EYA2: variants seen among roughly 807,000 people sequenced by gnomAD.
EYA2 encodes EYA transcriptional coactivator and phosphatase 2.
EYA2 carries 31 observed loss-of-function variants against 69.2 expected under a neutral mutation model. The observed-to-expected ratio is 0.45, with a 90% CI of 0.34 to 0.60. EYA2 has a LOEUF of 0.60. Ranked by LOEUF, EYA2 falls within the 20% of genes least tolerant of loss-of-function variation. The probability of loss-of-function intolerance (pLI) is 0.02; values close to 1 mark genes in which losing one functional copy is unlikely to be tolerated. For synonymous variants in EYA2, 257 were observed against 279.4 expected (o/e 0.92, Z 0.80); for missense variants, 622 against 701.2 (o/e 0.89, Z 1.28).
chr20:46,924,337 G>A (rs1353323385), intron 1 of EYA2, among the ~76,000 whole-genome samples: 13 of 152,186 alleles, frequency 8.5e-5, no homozygotes, highest in East Asian at 7.7e-4. Flanking sequence ...ACACTTTCCC[G>A]TCTGTGGTCC....
chr20:47,134,560 C>T (rs993475152), intron 9 of EYA2, among the ~76,000 whole-genome samples: 13 of 144,042 alleles, frequency 9.0e-5, no homozygotes, highest in African/African-American at 3.7e-4. Context: ...ACATTTTACA[C>T]TATAACCCAC....
intron 9 of EYA2, chr20:47,117,740 C>T (rs946321343): frequency 4.1e-5 from 39 of 959,820 alleles, no homozygotes; most frequent in East Asian, 3.5e-4. Context: ...TGCCCTCTCT[C>T]GAGGACTATT....
intron 1 of EYA2, among the ~76,000 whole-genome samples, chr20:46,946,944 C>T (rs1340583698): frequency 6.6e-6 from 1 of 152,244 alleles, no homozygotes; most frequent in Non-Finnish European, 1.5e-5. Flanking sequence ...CAGCTCAAAC[C>T]TGGCCAGTTG....
At chr20:46,985,449 T>C (rs1436206126) in intron 1 of EYA2, among the ~76,000 whole-genome samples, 1 of 152,170 alleles carries the variant, frequency 6.6e-6, no homozygotes, top group African/African-American at 2.4e-5. Context: ...AATCAACAAA[T>C]GCTGTTTTGG....
chr20:47,152,316 G>A (rs1025805138), intron 10 of EYA2, among the ~76,000 whole-genome samples: 1 of 151,504 alleles, frequency 6.6e-6, no homozygotes, highest in African/African-American at 2.4e-5. Flanking sequence ...CCTACCACCT[G>A]TATTGTGAAT....
chr20:46,963,443 A>T (rs1340568118), intron 1 of EYA2, among the ~76,000 whole-genome samples: 1 of 152,170 alleles, frequency 6.6e-6, no homozygotes, highest in Admixed American at 6.5e-5. Context: ...GACAGAACCG[A>T]CAAGGTCCCT....
intron 1 of EYA2, among the ~76,000 whole-genome samples, chr20:46,962,752 C>T (rs1979549863): frequency 6.6e-6 from 1 of 152,228 alleles, no homozygotes; most frequent in South Asian, 2.1e-4. Context: ...TCTGATTTTC[C>T]CTTTACATGC....
intron 5 of EYA2, among the ~76,000 whole-genome samples, chr20:47,068,488 A>G (rs112611708): frequency 3.3e-4 from 51 of 152,288 alleles, no homozygotes; most frequent in African/African-American, 1.2e-3. Flanking sequence ...TTGGTTCTCA[A>G]TTCTCAGTGT....
At chr20:47,127,263 A>G (rs1162624054) in intron 9 of EYA2, among the ~76,000 whole-genome samples, 1 of 152,224 alleles carries the variant, frequency 6.6e-6, no homozygotes, top group Non-Finnish European at 1.5e-5. Context: ...GACAGTCCCC[A>G]AATTCCCAAA....
intron 1 of EYA2, among the ~76,000 whole-genome samples, chr20:46,899,318 G>C (rs745746465): frequency 1.5e-4 from 23 of 152,130 alleles, no homozygotes; most frequent in Non-Finnish European, 2.9e-4. Context: ...CTGCCCTGAC[G>C]TTTTTTGCCA....
chr20:46,958,195 C>T (rs115341488), intron 1 of EYA2, among the ~76,000 whole-genome samples: 244 of 152,292 alleles, frequency 1.6e-3, no homozygotes, highest in African/African-American at 5.7e-3. Context: ...TCAGCTGCGC[C>T]TGTGTCTCCC....
chr20:46,985,806 G>A (rs1014941674), intron 1 of EYA2, among the ~76,000 whole-genome samples: 4 of 152,132 alleles, frequency 2.6e-5, no homozygotes, highest in Admixed American at 2.0e-4. Flanking sequence ...AGATTTTTAT[G>A]TGAAATTGTC....
At chr20:47,111,262 A>G (rs1044806650) in intron 9 of EYA2, among the ~76,000 whole-genome samples, 1 of 152,246 alleles carries the variant, frequency 6.6e-6, no homozygotes, top group Admixed American at 6.5e-5. Flanking sequence ...AACAAAAGGC[A>G]TGAGAAGTGA....
chr20:46,934,910 G>T (rs1432404947), intron 1 of EYA2, among the ~76,000 whole-genome samples: 1 of 152,216 alleles, frequency 6.6e-6, no homozygotes, highest in Non-Finnish European at 1.5e-5. Context: ...AAAGAGGAAA[G>T]AGCTATGGTT....
At chr20:46,919,243 T>C (rs112794166) in intron 1 of EYA2, among the ~76,000 whole-genome samples, 3 of 152,244 alleles carry the variant, frequency 2.0e-5, no homozygotes, top group African/African-American at 7.2e-5. Flanking sequence ...TAACAAGAGA[T>C]TCAGCCTGTC....
At chr20:47,066,111 G>C (rs1472837246) in intron 5 of EYA2, among the ~76,000 whole-genome samples, 1 of 152,136 alleles carries the variant, frequency 6.6e-6, no homozygotes, top group Non-Finnish European at 1.5e-5. Flanking sequence ...AGGCCAAGGT[G>C]GGCAGATTGC....
intron 5 of EYA2, among the ~76,000 whole-genome samples, chr20:47,068,464 T>G (rs2031194245): frequency 6.6e-6 from 1 of 152,198 alleles, no homozygotes. Context: ...CCATAAAGAA[T>G]TTGGCATGGA....
intron 7 of EYA2, among the ~76,000 whole-genome samples, chr20:47,080,679 G>A (rs1190449536): frequency 6.6e-6 from 1 of 152,144 alleles, no homozygotes; most frequent in African/African-American, 2.4e-5. Flanking sequence ...AAAGGAAAGA[G>A]GTTTAATGGA....
At chr20:46,896,646 C>G (rs933604986) in intron 1 of EYA2, among the ~76,000 whole-genome samples, 1 of 152,164 alleles carries the variant, frequency 6.6e-6, no homozygotes, top group African/African-American at 2.4e-5. Context: ...TGGTTTGAAT[C>G]TTGCTTTTGA....
Sources: allele counts gnomAD v4.1 joint callset (sites outside exome capture counted in the v4.1 genomes callset), GRCh38; gene constraint gnomAD v4.1.1; transcripts MANE v1.5; gene names NCBI Gene and HGNC (gene_info 2026-07-23, HGNC 2026-07-21).